The following PHLPP1 variants were observed in gnomAD, a reference collection of about 807,000 sequenced individuals.
PHLPP1 encodes PH domain leucine-rich repeat-containing protein phosphatase 1.
In PHLPP1, 42 loss-of-function variants were observed where a neutral mutation model predicts 117.2. The ratio of observed to expected loss-of-function variants is 0.36; its 90% confidence interval spans 0.28 to 0.46. The LOEUF (loss-of-function observed/expected upper bound fraction) is 0.46, where lower values mean the gene tolerates loss of function less well. PHLPP1 is among the 20% of genes least tolerant of loss of function. PHLPP1 has a pLI of 1.00. For missense variants in PHLPP1, 2,084 were observed against 2,241.9 expected (o/e 0.93, Z 1.42); for synonymous variants, 1,042 against 970.7 (o/e 1.07, Z -1.37).
intron 4 of PHLPP1, among the ~76,000 whole-genome samples, chr18:62,876,634 A>T (rs1916056822): frequency 6.6e-6 from 1 of 152,350 alleles, no homozygotes; most frequent in South Asian, 2.1e-4. Flanking sequence ...ACATTTAGAA[A>T]TGCTTTGAGC....
At chr18:62,845,625 C>T (rs1001304801) in intron 3 of PHLPP1, among the ~76,000 whole-genome samples, 4 of 152,130 alleles carry the variant, frequency 2.6e-5, no homozygotes, top group Admixed American at 6.5e-5. Flanking sequence ...GGTGTAATTA[C>T]AAGGAACCCT....
chr18:62,913,062 A>T (rs1917002244), intron 8 of PHLPP1, among the ~76,000 whole-genome samples: 1 of 152,224 alleles, frequency 6.6e-6, no homozygotes, highest in Admixed American at 6.5e-5. Flanking sequence ...TCTGCCTCTT[A>T]AATGATAATT....
At chr18:62,748,161 T>C (rs557591292) in intron 1 of PHLPP1, among the ~76,000 whole-genome samples, 1 of 152,326 alleles carries the variant, frequency 6.6e-6, no homozygotes, top group East Asian at 1.9e-4. Context: ...TCCATAATTG[T>C]GAATTCATGA....
intron 12 of PHLPP1, among the ~76,000 whole-genome samples, chr18:62,955,957 A>G (rs1910599491): frequency 6.6e-6 from 1 of 152,150 alleles, no homozygotes; most frequent in African/African-American, 2.4e-5. Flanking sequence ...ATGTCCCATT[A>G]TTACCCAGTA....
intron 1 of PHLPP1, among the ~76,000 whole-genome samples, chr18:62,812,825 A>C (rs1914162727): frequency 6.6e-6 from 1 of 152,150 alleles, no homozygotes; most frequent in Non-Finnish European, 1.5e-5. Context: ...GGAATATAGA[A>C]GTTGTAGGTA....
At chr18:62,928,813 C>T (rs1909723232) in intron 10 of PHLPP1, among the ~76,000 whole-genome samples, 1 of 152,132 alleles carries the variant, frequency 6.6e-6, no homozygotes, top group Admixed American at 6.6e-5. Context: ...ATATTATTCA[C>T]CAGTAAAAGG....
At chr18:62,762,551 C>G (rs1430854350) in intron 1 of PHLPP1, among the ~76,000 whole-genome samples, 1 of 151,472 alleles carries the variant, frequency 6.6e-6, no homozygotes, top group African/African-American at 2.4e-5. Flanking sequence ...GTAGCTGGGA[C>G]TACAGATGTG....
intron 1 of PHLPP1, among the ~76,000 whole-genome samples, chr18:62,721,019 C>T (rs185061740): frequency 2.6e-5 from 4 of 152,186 alleles, no homozygotes; most frequent in South Asian, 4.1e-4. Flanking sequence ...TTTTGCAATT[C>T]GTATCACTTT....
intron 1 of PHLPP1, among the ~76,000 whole-genome samples, chr18:62,735,910 G>A (rs1911356402): frequency 6.6e-6 from 1 of 151,566 alleles, no homozygotes; most frequent in South Asian, 2.1e-4. Flanking sequence ...TAACTAACCT[G>A]CACATTGTGC....
Position 62,978,366 on chromosome 18 carries a change from T to A in PHLPP1, c.4089T>A (p.Thr1363=). 1.2e-6 allele frequency: 2 copies of A among 1,612,586 alleles called. No individual in the cohort carries two copies. The highest frequency in any genetic ancestry group is 1.7e-6 in the Non-Finnish European group (2 of 1,179,206). ...PRPHVQSVLL[T]PQDEFFILGS... Reference sequence around the variant, plus strand: ...CCCACGTGCAGTCCGTGCTCCTGACTCCCCAGGATGAGTTCTTCATCCTAG... The same window carrying A: ...CCCACGTGCAGTCCGTGCTCCTGACACCCCAGGATGAGTTCTTCATCCTAG... The change falls in exon 17 of 17, where the codon ACT becomes ACA. Residue 1363 remains threonine (T), a synonymous_variant. Transcript: ENST00000262719. The surrounding 1 kb of genome is among the most constrained non-coding windows in gnomAD (Gnocchi z 7.0).
intron 4 of PHLPP1, among the ~76,000 whole-genome samples, chr18:62,876,291 C>G (rs548888798): frequency 1.3e-5 from 2 of 152,138 alleles, no homozygotes; most frequent in Non-Finnish European, 2.9e-5. Context: ...ACTCATCTTG[C>G]AAGAATGTGC....
chr18:62,750,371 G>A (rs1044651602), intron 1 of PHLPP1, among the ~76,000 whole-genome samples: 2 of 151,868 alleles, frequency 1.3e-5, no homozygotes, highest in African/African-American at 4.8e-5. Context: ...GTCTCTCCCT[G>A]CTCTCCCTCT....
At chr18:62,786,147 G>A (rs1913276715) in intron 1 of PHLPP1, among the ~76,000 whole-genome samples, 1 of 152,162 alleles carries the variant, frequency 6.6e-6, no homozygotes, top group South Asian at 2.1e-4. Context: ...TCTTAATATA[G>A]GCGTCTGTGG....
Position 62,716,794 on chromosome 18 carries a change from G to A in PHLPP1, c.1111G>A (p.Gly371Ser), listed in dbSNP as rs1339452113. Residue 371 changes from glycine to serine, a missense_variant, in exon 1 of 17, where the codon GGC becomes AGC. Coordinates refer to ENST00000262719, the MANE Select transcript of PHLPP1 (RefSeq NM_194449.4). The surrounding 1 kb of genome is among the most constrained non-coding windows in gnomAD (Gnocchi z 5.7). ...DRLDPYSSGG[G>S]SSSSSEELEA... ...GTTGGACCCCTACAGCAGCGGCGGCGGCTCCTCGTCGTCGTCGGAAGAGCT... is the reference window on the plus strand; with the variant it reads ...GTTGGACCCCTACAGCAGCGGCGGCAGCTCCTCGTCGTCGTCGGAAGAGCT... 1 of 1,526,006 alleles carries A rather than the reference G, an allele frequency of 6.6e-7. No homozygotes were observed. The highest frequency in any genetic ancestry group is 1.2e-5 in the South Asian group (1 of 82,910). 94.5% of individuals were successfully genotyped at this position (1,526,006 alleles called of 1,614,324 possible).
intron 1 of PHLPP1, among the ~76,000 whole-genome samples, chr18:62,803,713 G>C (rs964286553): frequency 6.6e-6 from 1 of 152,130 alleles, no homozygotes; most frequent in African/African-American, 2.4e-5. Flanking sequence ...TAAATCTGTA[G>C]GAATGGAGTG....
chr18:62,792,251 AG>A lies in PHLPP1; in HGVS notation c.1577-37783del, dbSNP rs1377215245. Among the ~76,000 whole-genome samples the A allele has an allele frequency of 5.3e-5, 8 of 152,368 alleles. No homozygotes were observed. In the East Asian group the frequency reaches 9.6e-4, roughly 18 times the overall value. On this transcript the variant is annotated intron_variant, in intron 1 of 16. Coordinates refer to ENST00000262719, the MANE Select transcript of PHLPP1 (RefSeq NM_194449.4). ...AACAGCTGGAACTTAAAGGCAGCTT[AG>A]AAAAGAAATATTTTCTCAGTCATGA...
At chr18:62,874,869 C>T (rs1321621284) in intron 4 of PHLPP1, among the ~76,000 whole-genome samples, 2 of 152,142 alleles carry the variant, frequency 1.3e-5, no homozygotes, top group East Asian at 1.9e-4. Context: ...GATTTTTTTC[C>T]TCATTAACAT....
chr18:62,765,516 C>T (rs937528249), intron 1 of PHLPP1, among the ~76,000 whole-genome samples: 11 of 152,182 alleles, frequency 7.2e-5, no homozygotes, highest in Non-Finnish European at 1.5e-4. Context: ...GCCATTTGCT[C>T]ATATATCTTG....
At chr18:62,718,138 A>G (rs779312062) in intron 1 of PHLPP1, among the ~76,000 whole-genome samples, 13 of 152,224 alleles carry the variant, frequency 8.5e-5, no homozygotes, top group Non-Finnish European at 1.5e-4. Context: ...TTCAGGAGCT[A>G]TAGATGCTGG....
Sources: allele counts gnomAD v4.1 joint callset (sites outside exome capture counted in the v4.1 genomes callset), GRCh38; gene constraint gnomAD v4.1.1; non-coding constraint Gnocchi (gnomAD v3.1); transcripts MANE v1.5; gene names NCBI Gene and HGNC (gene_info 2026-07-23, HGNC 2026-07-21).